SLC25A10: variants seen among roughly 807,000 people sequenced by gnomAD.
SLC25A10 encodes solute carrier family 25 member 10.
Under a neutral mutation model 40.4 loss-of-function variants are expected in SLC25A10, and 32 were observed. The observed-to-expected ratio is 0.79, with a 90% CI of 0.60 to 1.06. The LOEUF (loss-of-function observed/expected upper bound fraction) is 1.06, where lower values mean the gene tolerates loss of function less well. Ranked by LOEUF, SLC25A10 falls within the 50% of genes least tolerant of loss-of-function variation. The pLI, the probability that SLC25A10 is intolerant of heterozygous loss-of-function variation, is 0.00. For synonymous variants in SLC25A10, 181 were observed against 171.1 expected (o/e 1.06, Z -0.45); for missense variants, 394 against 402.6 (o/e 0.98, Z 0.18).
chr17:81,719,366 CAA>C lies in SLC25A10; in HGVS notation c.706-461_706-460del, dbSNP rs540906663. On this transcript the variant is annotated intron_variant, in intron 9 of 10. Coordinates refer to ENST00000350690, the MANE Select transcript of SLC25A10 (RefSeq NM_012140.5). The stretch of plus-strand genomic sequence containing the variant: ...ACAGGTGTGAGTCACTGTGCCCGGC[CAA>C]AAACATTTCTTTCACAGATTAACAG... Among the ~76,000 whole-genome samples, 342 of 152,320 alleles carry C rather than the reference CAA, an allele frequency of 2.2e-3. 1 individual carries two copies. The highest frequency in any genetic ancestry group is 6.8e-3 in the Middle Eastern group (2 of 294).
At position 81,716,993 on chromosome 17, in the gene SLC25A10, C is replaced by T. The variant is rs1021043075; in HGVS notation, c.464-9C>T. 3 of 1,613,632 alleles carry T rather than the reference C, an allele frequency of 1.9e-6. No homozygotes were observed. In the East Asian group the frequency reaches 6.7e-5, roughly 36 times the overall value. On this transcript the variant is annotated splice_polypyrimidine_tract_variant and intron_variant, in intron 6 of 10. Transcript: ENST00000350690. ...GCCTCACCCCTTGCCTCACCCCTTC[C>T]TTGTGCAGAGGGTCTCAGGAGACTG...
Position 81,715,572 on chromosome 17 carries a change from T to A in SLC25A10, c.308T>A (p.Val103Glu). 6.2e-7 allele frequency: 1 copy of A among 1,611,704 alleles called. No individual in the cohort carries two copies. Among genetic ancestry groups the A allele is most frequent in the Non-Finnish European group, 8.5e-7 (1 of 1,179,448 alleles). The change falls in exon 3 of 11, where the codon GTG becomes GAG. Residue 103 changes from valine (V) to glutamate (E), a missense_variant. Coordinates refer to ENST00000350690, the MANE Select transcript of SLC25A10 (RefSeq NM_012140.5). ...GGGCCTCTCCCCTTCCACGAGAAGG[T>A]GTTGCTGGGCTCCGTCAGCGGTGAG... The part of the protein sequence containing the change: ...SQGPLPFHEK[V>E]LLGSVSGLAG...
intron 1 of SLC25A10, chr17:81,713,216 T>TTA (rs1292993917): frequency 4.3e-4 from 65 of 152,252 alleles, no homozygotes; most frequent in Non-Finnish European, 8.6e-4. Flanking sequence ...TTTTTTTTTT[T>TTA]AATGCTTATG....
At chr17:81,717,557 A>C in intron 8 of SLC25A10, 66 bp downstream of exon 8, 1 of 1,556,948 alleles carries the variant, frequency 6.4e-7, no homozygotes, top group South Asian at 1.1e-5. Context: ...GGCACCCAGG[A>C]TGGGGCGAGG....
chr17:81,712,937 G>A (rs1263747132), intron 1 of SLC25A10, among the ~76,000 whole-genome samples: 3 of 152,234 alleles, frequency 2.0e-5, no homozygotes, highest in Non-Finnish European at 2.9e-5. Context: ...CTAGAGACGT[G>A]CTGGCTGTAG....
intron 8 of SLC25A10, 140 bp from the exon 9 acceptor site, chr17:81,717,644 C>A: frequency 7.8e-7 from 1 of 1,284,284 alleles, no homozygotes; most frequent in Non-Finnish European, 1.1e-6. Context: ...GCTTTGGGAG[C>A]TCATGGGTCA....
In SLC25A10 at chr17:81,720,203, C is replaced by T. The variant is rs939313213; in HGVS notation, c.*126C>T. ...GTGGCCACCCGTCCTCCGCAGCAGG[C>T]CCCTGCTGTCCCCCCACCTGCTGGC... is the stretch of plus-strand genomic sequence containing the variant. On this transcript the variant is annotated 3_prime_UTR_variant, in exon 11 of 11. Transcript: ENST00000350690. 4.7e-6 allele frequency: 7 copies of T among 1,476,208 alleles called. No individual in the cohort carries two copies. The Admixed American group carries it at 9.9e-5, about 21-fold the overall frequency. The allele number at this position is 1,476,208 out of a possible 1,614,324, so 91.4% of individuals were successfully genotyped here.
chr17:81,716,883 G>T, intron 6 of SLC25A10, 28 bp downstream of exon 6: 1 of 1,609,518 alleles, frequency 6.2e-7, no homozygotes, highest in Non-Finnish European at 8.5e-7. Flanking sequence ...TGCACAGGCA[G>T]GGTTCTGGGG....
chr17:81,716,098 G>T (rs762541444), intron 5 of SLC25A10, 48 bp downstream of exon 5: 1 of 1,556,996 alleles, frequency 6.4e-7, no homozygotes, highest in Non-Finnish European at 8.7e-7. Flanking sequence ...CAGGAGGCTC[G>T]GGCGGGAGCG....
intron 3 of SLC25A10, 44 bp from the exon 4 acceptor site, chr17:81,715,649 C>T: frequency 6.2e-7 from 1 of 1,612,896 alleles, no homozygotes; most frequent in Non-Finnish European, 8.5e-7. Context: ...GCCGAGGACG[C>T]CGTGTGTCAG....
intron 5 of SLC25A10, 84 bp downstream of exon 5, chr17:81,716,134 C>A (rs2037482044): frequency 6.9e-7 from 1 of 1,452,548 alleles, no homozygotes; most frequent in Non-Finnish European, 9.4e-7. Context: ...TGCCGTGACC[C>A]AGCTGAGGCT....
Position 81,712,366 on chromosome 17 carries a change from A to C in SLC25A10, c.-61A>C. The stretch of plus-strand genomic sequence containing the variant: ...CGGGGCGCGGGGCGCTGCGGCCGGT[A>C]CACGCCGGGGTAGGGCCGGGGTCGG... On this transcript the variant is annotated 5_prime_UTR_variant, in exon 1 of 11. Transcript: ENST00000350690. 9.2e-7 allele frequency: 1 copy of C among 1,082,556 alleles called. No individual in the cohort carries two copies. Among genetic ancestry groups the C allele is most frequent in the Non-Finnish European group, 1.2e-6 (1 of 858,516 alleles). The allele number at this position is 1,082,556 out of a possible 1,614,324, so 67.1% of individuals were successfully genotyped here. A position where few individuals can be genotyped will look rare whatever the true frequency, so the allele number is the denominator to read the frequency against.
At chr17:81,716,695 G>A (rs1168751048) in intron 5 of SLC25A10, 117 bp from the exon 6 acceptor site, 7 of 994,016 alleles carry the variant, frequency 7.0e-6, no homozygotes, top group Non-Finnish European at 1.1e-5. Context: ...AGATCTTCAG[G>A]CCCATGAGGC....
At chr17:81,719,708 C>G in intron 9 of SLC25A10, 123 bp from the exon 10 acceptor site, 1 of 1,201,186 alleles carries the variant, frequency 8.3e-7, no homozygotes, top group Non-Finnish European at 1.2e-6. Context: ...CACCCACACC[C>G]ACACCCACAC....
chr17:81,717,457 A>G lies in SLC25A10; in HGVS notation c.593A>G (p.Asn198Ser). The change falls in exon 8 of 11, where the codon AAC (asparagine) becomes AGC (serine). Residue 198 changes from asparagine to serine, a missense_variant. Asn to Ser is a conservative substitution (Grantham distance 46). Transcript: ENST00000350690. ...CTTAGCACCGGGTACCTCTCTGACA[A>G]CATCTTCACTCACTTTGTCGCCAGC... is the stretch of plus-strand genomic sequence containing the variant. ...LVLSTGYLSD[N>S]IFTHFVASFI... is the part of the protein sequence containing the mutation. 6.2e-7 allele frequency: 1 copy of G among 1,613,602 alleles called. No homozygotes were observed. The highest frequency in any genetic ancestry group is 8.5e-7 in the Non-Finnish European group (1 of 1,179,904).
At position 81,720,303 on chromosome 17, in the gene SLC25A10, T is replaced by G; in HGVS notation, c.*226T>G. On this transcript the variant is annotated 3_prime_UTR_variant, in exon 11 of 11. Transcript: ENST00000350690. Reference sequence around the variant, plus strand: ...GCTCTGGCTACCAGGCTCTCCCGGCTGGGCACTGCGTGGCCTTGCCCCTCT... The same window carrying G: ...GCTCTGGCTACCAGGCTCTCCCGGCGGGGCACTGCGTGGCCTTGCCCCTCT... The G allele has an allele frequency of 1.4e-6, 2 of 1,435,400 alleles. No homozygotes were observed. 88.9% of individuals were successfully genotyped at this position (1,435,400 alleles called of 1,614,324 possible).
intron 1 of SLC25A10, among the ~76,000 whole-genome samples, chr17:81,714,117 T>A (rs1158648903): frequency 6.6e-6 from 1 of 152,138 alleles, no homozygotes; most frequent in Non-Finnish European, 1.5e-5. Context: ...TCCCCACCCA[T>A]CTTTGCCGAC....
chr17:81,714,703 G>A (rs553376176), intron 1 of SLC25A10, among the ~76,000 whole-genome samples: 1 of 152,362 alleles, frequency 6.6e-6, no homozygotes, highest in East Asian at 1.9e-4. Context: ...CCTGCGGCCA[G>A]TGCAGCCAAT....
rs911951249 is a variant in SLC25A10 at position 81,715,587 on chromosome 17, T to G, written c.323T>G (p.Val108Gly). The change falls in exon 3 of 11, where the codon GTC becomes GGC. Residue 108 changes from valine to glycine, a missense_variant. Coordinates refer to ENST00000350690, the MANE Select transcript of SLC25A10 (RefSeq NM_012140.5). ...CACGAGAAGGTGTTGCTGGGCTCCG[T>G]CAGCGGTGAGCTGCCGGGCGGGAGG... is the stretch of plus-strand genomic sequence containing the variant. ...PFHEKVLLGS[V>G]SGLAGGFVGT... is the part of the protein sequence containing the mutation. The G allele has an allele frequency of 2.5e-6, 4 of 1,610,788 alleles. No homozygotes were observed. In the African/African-American group the frequency reaches 5.3e-5, roughly 22 times the overall value.
Sources: gnomAD v4.1 joint callset for allele counts (sites outside exome capture counted in the v4.1 genomes callset) on GRCh38, gnomAD v4.1.1 for gene constraint, MANE v1.5 for transcripts, NCBI Gene and HGNC (gene_info 2026-07-23, HGNC 2026-07-21) for gene names.